WWOX: variants seen among roughly 807,000 people sequenced by gnomAD.
The protein encoded by WWOX is WW domain-containing oxidoreductase.
A neutral mutation model predicts 46.2 loss-of-function variants in WWOX; 69 were observed. The ratio of observed to expected loss-of-function variants is 1.49; its 90% CI spans 1.23 to 1.82. The LOEUF (loss-of-function observed/expected upper bound fraction) is 1.82. WWOX is among the 40% of genes most tolerant of loss of function. The pLI is 0.00. For missense variants in WWOX, 919 were observed against 542.6 expected, an observed-to-expected ratio of 1.69 and a Z score of -6.89; for synonymous variants, 359 against 202.6, an observed-to-expected ratio of 1.77 and a Z score of -6.56.
chr16:78,528,482 T>C (rs966483567), intron 8 of WWOX, among the ~76,000 whole-genome samples: 2 of 152,158 alleles, frequency 1.3e-5, no homozygotes, highest in Non-Finnish European at 2.9e-5. Context: ...ATGAGTCAGA[T>C]TTCATGATTG....
At chr16:78,791,471 G>C (rs1382749980) in intron 8 of WWOX, among the ~76,000 whole-genome samples, 1 of 152,176 alleles carries the variant, frequency 6.6e-6, no homozygotes, top group Non-Finnish European at 1.5e-5. Context: ...GTGACTCCTT[G>C]ATGTCAGCAC....
chr16:78,123,210 G>T (rs1178931398), intron 4 of WWOX: 2 of 151,904 alleles, frequency 1.3e-5, no homozygotes, highest in East Asian at 3.9e-4. Context: ...CAGGGATGAA[G>T]GGATCCACTT....
intron 5 of WWOX, among the ~76,000 whole-genome samples, chr16:78,365,186 G>A (rs1251157893): frequency 6.6e-6 from 1 of 152,206 alleles, no homozygotes; most frequent in Non-Finnish European, 1.5e-5. Flanking sequence ...TTAATGCAAA[G>A]TGCCCAGTTT....
At chr16:78,996,989 C>T (rs139934217) in intron 8 of WWOX, among the ~76,000 whole-genome samples, 1,535 of 152,312 alleles carry the variant, frequency 0.01, 20 homozygotes, top group Middle Eastern at 0.037. Context: ...CCTTGGCAGT[C>T]CCTCGCTCAA....
chr16:78,653,598 G>C (rs980883324), intron 8 of WWOX, among the ~76,000 whole-genome samples: 1 of 152,236 alleles, frequency 6.6e-6, no homozygotes, highest in African/African-American at 2.4e-5. Flanking sequence ...GCCTGGACTA[G>C]CAGTTGCCAG....
chr16:78,825,506 AT>A, intron 8 of WWOX: 1 of 491,218 alleles, frequency 2.0e-6, no homozygotes. Context: ...TTCAGAAGAG[AT>A]TTGGCTTCCC....
At chr16:78,919,982 T>G (rs2045341089) in intron 8 of WWOX, among the ~76,000 whole-genome samples, 1 of 152,200 alleles carries the variant, frequency 6.6e-6, no homozygotes, top group Non-Finnish European at 1.5e-5. Flanking sequence ...ACGGTTTGCC[T>G]CCTTCTCATG....
chr16:78,124,913 G>T (rs1196652789), intron 4 of WWOX, among the ~76,000 whole-genome samples: 1 of 152,170 alleles, frequency 6.6e-6, no homozygotes, highest in Non-Finnish European at 1.5e-5. Flanking sequence ...ACCTATTTCA[G>T]TGTCTCTACT....
intron 8 of WWOX, among the ~76,000 whole-genome samples, chr16:79,162,534 G>T (rs1431228094): frequency 6.6e-6 from 1 of 152,154 alleles, no homozygotes; most frequent in Non-Finnish European, 1.5e-5. Flanking sequence ...GAAGGCCTCA[G>T]TTACCTCTAG....
chr16:79,091,872 C>A (rs952806918), intron 8 of WWOX, among the ~76,000 whole-genome samples: 2 of 148,972 alleles, frequency 1.3e-5, no homozygotes, highest in Non-Finnish European at 3.0e-5. Flanking sequence ...CCTCCACTTC[C>A]TGGGTTCAAG....
chr16:79,208,848 C>G (rs960196497), intron 8 of WWOX, among the ~76,000 whole-genome samples: 1 of 152,124 alleles, frequency 6.6e-6, no homozygotes, highest in Non-Finnish European at 1.5e-5. Context: ...TGAAAATTCT[C>G]CAAGAGACCA....
At chr16:78,864,837 A>G (rs1266492634) in intron 8 of WWOX, among the ~76,000 whole-genome samples, 1 of 131,046 alleles carries the variant, frequency 7.6e-6, no homozygotes, top group East Asian at 2.2e-4. Flanking sequence ...AACTCGGCTC[A>G]CTGCAACATC....
In WWOX at chr16:78,814,809, T is replaced by A. The variant is rs576021805; in HGVS notation, c.1056+382057T>A. On this transcript the variant is annotated intron_variant, in intron 8 of 8. Transcript: ENST00000566780. ...GGTTGAAGTTGGGGAACTGTGGGCGTTGTCCCCACTAGTCCTGTCATCTGC... is the reference window on the plus strand; with the variant it reads ...GGTTGAAGTTGGGGAACTGTGGGCGATGTCCCCACTAGTCCTGTCATCTGC... Among the ~76,000 whole-genome samples the A allele has an allele frequency of 2.0e-4, 30 of 152,302 alleles. No individual in the cohort carries two copies. In the South Asian group the frequency reaches 3.9e-3, roughly 20 times the overall value.
At chr16:78,867,538 T>G (rs1311670264) in intron 8 of WWOX, among the ~76,000 whole-genome samples, 4 of 151,570 alleles carry the variant, frequency 2.6e-5, no homozygotes, top group Non-Finnish European at 4.4e-5. Flanking sequence ...TTTTTTTGTG[T>G]GTGTGTTTTT....
intron 8 of WWOX, among the ~76,000 whole-genome samples, chr16:78,646,817 C>A (rs1310912026): frequency 2.6e-5 from 4 of 152,178 alleles, no homozygotes; most frequent in Non-Finnish European, 5.9e-5. Context: ...TGCCTAGAAT[C>A]GCCTTCCTTT....
chr16:78,557,730 C>T (rs1275734967), intron 8 of WWOX, among the ~76,000 whole-genome samples: 2 of 117,736 alleles, frequency 1.7e-5, no homozygotes, highest in Admixed American at 9.4e-5. Flanking sequence ...GAGTCTCACT[C>T]TGTTGTCCAA....
At chr16:78,472,307 C>G (rs1012793541) in intron 8 of WWOX, among the ~76,000 whole-genome samples, 7 of 152,068 alleles carry the variant, frequency 4.6e-5, no homozygotes, top group African/African-American at 1.7e-4. Context: ...TCTCATAAGC[C>G]AAATGCTGCA....
intron 8 of WWOX, among the ~76,000 whole-genome samples, chr16:79,200,178 C>T (rs1475886789): frequency 3.9e-5 from 6 of 152,082 alleles, no homozygotes; most frequent in African/African-American, 9.7e-5. Flanking sequence ...ACATGACATC[C>T]GCCAGAGGCC....
chr16:78,275,883 A>G (rs1485150496), intron 5 of WWOX, among the ~76,000 whole-genome samples: 1 of 152,028 alleles, frequency 6.6e-6, no homozygotes, highest in Admixed American at 6.5e-5. Context: ...CCGACGAGGA[A>G]GTGCAGCCTC....
Sources: gnomAD v4.1 joint callset for allele counts (sites outside exome capture counted in the v4.1 genomes callset) on GRCh38, gnomAD v4.1.1 for gene constraint, MANE v1.5 for transcripts, NCBI Gene and HGNC (gene_info 2026-07-23, HGNC 2026-07-21) for gene names.